The following MAP3K12 variants were observed in gnomAD, a reference collection of about 807,000 sequenced individuals.
MAP3K12 encodes mitogen-activated protein kinase kinase kinase 12, also known as MAPK-upstream kinase.
A neutral mutation model predicts 87.5 loss-of-function variants in MAP3K12; 14 were observed. The observed-to-expected ratio is 0.16, with a 90% CI of 0.11 to 0.25. MAP3K12 has a LOEUF of 0.25. MAP3K12 is among the 10% of genes least tolerant of loss of function. The pLI, the probability that MAP3K12 is intolerant of heterozygous loss-of-function variation, is 1.00. For missense variants in MAP3K12, 802 were observed against 1,140.4 expected, an observed-to-expected ratio of 0.70 and a Z score of 4.27; for synonymous variants, 469 against 452.5, an observed-to-expected ratio of 1.04 and a Z score of -0.46.
Position 53,479,677 on chromosome 12 carries a change from T to TTTTTTTTTGTTTTTTG in MAP3K12, c.*1504_*1505insCAAAAAACAAAAAAAA. The stretch of plus-strand genomic sequence containing the variant: ...TTTTATAAGCTTCTCCCTGGTTTTT[T>TTTTTTTTTGTTTTTTG]TTTTTTGGCTCATGAATTTTTCTGT... On this transcript the variant is annotated 3_prime_UTR_variant, in exon 14 of 14. Transcript: ENST00000547488. The TTTTTTTTTGTTTTTTG allele has an allele frequency of 5.2e-6, 2 of 388,218 alleles. No individual in the cohort carries two copies. Among genetic ancestry groups the TTTTTTTTTGTTTTTTG allele is most frequent in the Non-Finnish European group, 9.2e-6 (2 of 217,540 alleles). The allele number at this position is 388,218 out of a possible 1,614,324, so 24.0% of individuals were successfully genotyped here. A position where few individuals can be genotyped will look rare whatever the true frequency, so the allele number is the denominator to read the frequency against.
At chr12:53,482,429 C>T in intron 11 of MAP3K12, 60 bp from the exon 12 acceptor site, 2 of 1,607,942 alleles carry the variant, frequency 1.2e-6, no homozygotes, top group Non-Finnish European at 1.7e-6. Flanking sequence ...CACTAAGAAT[C>T]CAGGAGAAGG....
chr12:53,483,496 C>G lies in MAP3K12; in HGVS notation c.1476-10G>C, dbSNP rs375915516. 1.2e-6 allele frequency: 2 copies of G among 1,613,916 alleles called. No homozygotes were observed. Among genetic ancestry groups the G allele is most frequent in the Non-Finnish European group, 1.7e-6 (2 of 1,179,980 alleles). ...TAAAGCTTGCTCTCGCCTAAAGATC[C>G]AGGCACCTTCTCAGCTGGGCAAATG... is the stretch of plus-strand genomic sequence containing the variant. On this transcript the variant is annotated splice_polypyrimidine_tract_variant and intron_variant, in intron 9 of 13. Transcript: ENST00000547488.
At chr12:53,494,606 G>A (rs2137233752) in intron 1 of MAP3K12, among the ~76,000 whole-genome samples, 1 of 152,304 alleles carries the variant, frequency 6.6e-6, no homozygotes, top group Non-Finnish European at 1.5e-5. Context: ...AAGCTGTTTG[G>A]TGGTCTTAGG....
At position 53,486,894 on chromosome 12, in the gene MAP3K12, A is replaced by C. The variant is rs1943241427; in HGVS notation, c.445+53T>G. 1 of 1,597,980 alleles carries C rather than the reference A, an allele frequency of 6.3e-7. No homozygotes were observed. The highest frequency in any genetic ancestry group is 1.7e-5 in the Admixed American group (1 of 59,326). ...CGTGACTTTAGCGGAGCTGACCAAC[A>C]GATCTCGGGCTCAGGGAAACAGAGA... On this transcript the variant is annotated intron_variant, in intron 2 of 13. Transcript: ENST00000547488. The surrounding 1 kb of genome is among the most constrained non-coding windows in gnomAD (Gnocchi z 4.9).
At chr12:53,493,351 C>T (rs948753034) in intron 1 of MAP3K12, among the ~76,000 whole-genome samples, 1 of 152,092 alleles carries the variant, frequency 6.6e-6, no homozygotes, top group Non-Finnish European at 1.5e-5. Flanking sequence ...CCTTCCCCTG[C>T]CCCCGCATGC....
intron 1 of MAP3K12, among the ~76,000 whole-genome samples, chr12:53,494,673 T>C (rs1158709672): frequency 1.3e-5 from 2 of 152,134 alleles, no homozygotes; most frequent in Admixed American, 6.5e-5. Context: ...CACTGAGTGC[T>C]CTCCACTGTC....
chr12:53,496,546 T>C (rs535770262), intron 1 of MAP3K12, among the ~76,000 whole-genome samples: 8 of 152,298 alleles, frequency 5.3e-5, no homozygotes, highest in Non-Finnish European at 7.4e-5. Flanking sequence ...GGACCTCAGA[T>C]AGACCAGGAA....
Position 53,486,889 on chromosome 12 carries a change from C to T in MAP3K12, c.445+58G>A. ...CATTGCGTGACTTTAGCGGAGCTGA[C>T]CAACAGATCTCGGGCTCAGGGAAAC... is the stretch of plus-strand genomic sequence containing the variant. On this transcript the variant is annotated intron_variant, in intron 2 of 13. Transcript: ENST00000547488. The surrounding 1 kb of genome is among the most constrained non-coding windows in gnomAD (Gnocchi z 4.9). The T allele has an allele frequency of 6.3e-7, 1 of 1,595,244 alleles. No homozygotes were observed. Among genetic ancestry groups the T allele is most frequent in the Non-Finnish European group, 8.6e-7 (1 of 1,168,752 alleles).
At position 53,487,303 on chromosome 12, in the gene MAP3K12, T is replaced by C; in HGVS notation, c.89A>G (p.Asp30Gly). 1 of 1,613,262 alleles carries C rather than the reference T, an allele frequency of 6.2e-7. No individual in the cohort carries two copies. The highest frequency in any genetic ancestry group is 8.5e-7 in the Non-Finnish European group (1 of 1,179,850). ...TLSEASMRKL[D>G]PDTSDCTPEK... The stretch of plus-strand genomic sequence containing the variant: ...GGGAGTGCAGTCAGAAGTGTCTGGG[T>C]CCAGCTTGCGCATGGATGCCTCACT... The change falls in exon 2 of 14, where the codon GAC (aspartate) becomes GGC (glycine). Residue 30 changes from aspartate (D) to glycine (G), a missense_variant. By Grantham distance (94) the Asp-to-Gly change is moderately conservative (BLOSUM62 -1). Coordinates refer to ENST00000547488, the MANE Select transcript of MAP3K12 (RefSeq NM_001193511.2).
rs1238911503 is a variant in MAP3K12 at position 53,482,061 on chromosome 12, C to T, written c.2460G>A (p.Arg820=). ...AGCCCTGGGAGCACATGTCATCAGA[C>T]CGCTCATCTGGCCGCTCATCAGTGT... ...STNTDERPDE[R]SDDMCSQGSE... The change falls in exon 13 of 14, where the codon CGG becomes CGA. Residue 820 remains arginine, a synonymous_variant. Coordinates refer to ENST00000547488, the MANE Select transcript of MAP3K12 (RefSeq NM_001193511.2). The T allele has an allele frequency of 6.2e-7, 1 of 1,614,170 alleles. No individual in the cohort carries two copies. Among genetic ancestry groups the T allele is most frequent in the Admixed American group, 1.7e-5 (1 of 60,024 alleles).
At chr12:53,484,400 AT>A in intron 6 of MAP3K12, 35 bp from the exon 7 acceptor site, 2 of 1,515,370 alleles carry the variant, frequency 1.3e-6, no homozygotes, top group Non-Finnish European at 1.8e-6. Context: ...AGAGGGGAGA[AT>A]TTGAGGGAGG....
intron 1 of MAP3K12, among the ~76,000 whole-genome samples, chr12:53,499,004 G>GTGTGTGTGTGTGTGTGTGTGTGTGTGTGT (rs1943612157): frequency 7.7e-6 from 1 of 129,628 alleles, no homozygotes; most frequent in African/African-American, 2.9e-5. Flanking sequence ...GTGTGTGTGT[G>GTGTGTGTGTGTGTGTGTGTGTGTGTGTGT]GAGATGGTGG....
In MAP3K12 at chr12:53,483,063, G is replaced by A; in HGVS notation, c.1740C>T (p.His580=). 1.3e-6 allele frequency: 2 copies of A among 1,543,640 alleles called. No individual in the cohort carries two copies. Among genetic ancestry groups the A allele is most frequent in the Non-Finnish European group, 1.7e-6 (2 of 1,146,638 alleles). Residue 580 remains histidine, a synonymous_variant, in exon 11 of 14, where the codon CAC becomes CAT. Transcript: ENST00000547488. ...AGCTCCCCTTGGCGCTGGCCTTGCGGTGACGGGTCTTGCCACGGCGACTCC... is the reference window on the plus strand; with the variant it reads ...AGCTCCCCTTGGCGCTGGCCTTGCGATGACGGGTCTTGCCACGGCGACTCC... ...PGRSRRGKTR[H]RKASAKGSCG... is the part of the protein sequence containing the mutation.
chr12:53,489,606 T>C (rs1233812492), intron 1 of MAP3K12, among the ~76,000 whole-genome samples: 1 of 152,154 alleles, frequency 6.6e-6, no homozygotes, highest in Non-Finnish European at 1.5e-5. Context: ...GCTAGCAGGG[T>C]CCTTCCATGA....
At chr12:53,491,373 T>C (rs1333704463) in intron 1 of MAP3K12, among the ~76,000 whole-genome samples, 1 of 150,728 alleles carries the variant, frequency 6.6e-6, no homozygotes, top group African/African-American at 2.4e-5. Context: ...GCACTTTGCA[T>C]ATTTAATCCT....
At chr12:53,489,798 G>C (rs925412517) in intron 1 of MAP3K12, among the ~76,000 whole-genome samples, 1 of 152,112 alleles carries the variant, frequency 6.6e-6, no homozygotes, top group Non-Finnish European at 1.5e-5. Flanking sequence ...CTTTTTCCTG[G>C]GGGGTGAGGG....
chr12:53,487,598 T>A, intron 1 of MAP3K12, 170 bp from the exon 2 acceptor site: 1 of 606,770 alleles, frequency 1.6e-6, no homozygotes, highest in Non-Finnish European at 2.8e-6. Flanking sequence ...TTGAGCCATC[T>A]TAGGAAATCT....
At chr12:53,501,371 C>T (rs948901939), upstream of MAP3K12, 5 of 1,553,040 alleles carry the variant, frequency 3.2e-6, no homozygotes, top group Non-Finnish European at 4.4e-6. Context: ...CGCGTGGAGG[C>T]TGCAGTCACG....
intron 7 of MAP3K12, 32 bp downstream of exon 7, chr12:53,484,225 G>T: frequency 6.4e-7 from 1 of 1,568,448 alleles, no homozygotes; most frequent in Non-Finnish European, 8.8e-7. Context: ...AAGAAGGGGA[G>T]TTAGGTATTT....
Sources: allele counts gnomAD v4.1 joint callset (sites outside exome capture counted in the v4.1 genomes callset), GRCh38; gene constraint gnomAD v4.1.1; non-coding constraint Gnocchi (gnomAD v3.1); transcripts MANE v1.5; gene names NCBI Gene and HGNC (gene_info 2026-07-23, HGNC 2026-07-21).